ARHGAP26: variants seen among roughly 807,000 people sequenced by gnomAD.
ARHGAP26 encodes the protein rho GTPase-activating protein 26.
A neutral mutation model predicts 104.8 loss-of-function variants in ARHGAP26; 38 were observed. That is an observed-to-expected ratio of 0.36 (90% CI 0.28 to 0.48). The LOEUF is 0.48. ARHGAP26 is among the 20% of genes least tolerant of loss of function. The pLI, the probability that ARHGAP26 is intolerant of heterozygous loss-of-function variation, is 0.99. For missense variants in ARHGAP26, 704 were observed against 947.9 expected (o/e 0.74, Z 3.38); for synonymous variants, 341 against 340.0 (o/e 1.00, Z -0.03).
intron 1 of ARHGAP26, among the ~76,000 whole-genome samples, chr5:142,797,975 C>T (rs767307758): frequency 6.6e-6 from 1 of 152,150 alleles, no homozygotes; most frequent in Non-Finnish European, 1.5e-5. Context: ...TTTACCTGAC[C>T]CTTCTTCTTT....
chr5:143,129,845 A>G (rs1797128948), intron 18 of ARHGAP26, among the ~76,000 whole-genome samples: 1 of 152,214 alleles, frequency 6.6e-6, no homozygotes, highest in Non-Finnish European at 1.5e-5. Flanking sequence ...TCTTTTCAGT[A>G]GCTCTGCAAG....
At chr5:142,876,388 T>C (rs1756099445) in intron 3 of ARHGAP26, among the ~76,000 whole-genome samples, 1 of 152,048 alleles carries the variant, frequency 6.6e-6, no homozygotes, top group Non-Finnish European at 1.5e-5. Context: ...GATATTGAGG[T>C]TTACAGAGGT....
chr5:143,185,023 A>G (rs997005081), intron 20 of ARHGAP26, among the ~76,000 whole-genome samples: 1 of 152,232 alleles, frequency 6.6e-6, no homozygotes, highest in African/African-American at 2.4e-5. Flanking sequence ...ATTATTTACT[A>G]TAGTAAGAGA....
At chr5:142,973,417 T>G (rs544915073) in intron 11 of ARHGAP26, among the ~76,000 whole-genome samples, 2 of 152,356 alleles carry the variant, frequency 1.3e-5, no homozygotes, top group East Asian at 3.9e-4. Context: ...AAAGGATGTT[T>G]ATGAAGTCTG....
chr5:143,157,811 AAAGCATTGGT>A (rs1341887802), intron 20 of ARHGAP26, among the ~76,000 whole-genome samples: 1 of 152,216 alleles, frequency 6.6e-6, no homozygotes, highest in Non-Finnish European at 1.5e-5. Context: ...TATCACGTGA[AAAGCATTGGT>A]AAGCTTTAGA....
At chr5:143,164,549 A>G (rs1016728083) in intron 20 of ARHGAP26, among the ~76,000 whole-genome samples, 1 of 152,142 alleles carries the variant, frequency 6.6e-6, no homozygotes, top group African/African-American at 2.4e-5. Context: ...CTTTGCATCC[A>G]TGGCTGATTT....
chr5:143,007,679 A>G (rs4912889), intron 11 of ARHGAP26, among the ~76,000 whole-genome samples: 94,888 of 152,078 alleles, frequency 0.62, 31,856 homozygotes, highest in Non-Finnish European at 0.75. Flanking sequence ...ATTAACCCAT[A>G]TGATGCTATG....
intron 1 of ARHGAP26, among the ~76,000 whole-genome samples, chr5:142,823,141 T>G (rs1766526762): frequency 6.6e-6 from 1 of 152,216 alleles, no homozygotes; most frequent in South Asian, 2.1e-4. Flanking sequence ...GTCAGTGTCA[T>G]TCAGCTGGTG....
intron 17 of ARHGAP26, among the ~76,000 whole-genome samples, chr5:143,093,808 G>A (rs1347713969): frequency 6.6e-6 from 1 of 152,208 alleles, no homozygotes; most frequent in Non-Finnish European, 1.5e-5. Flanking sequence ...GAGAAGAAAG[G>A]AAAGGGGGGT....
At chr5:142,836,522 G>A (rs567944988) in intron 1 of ARHGAP26, among the ~76,000 whole-genome samples, 96 of 152,262 alleles carry the variant, frequency 6.3e-4, no homozygotes, top group Admixed American at 1.0e-3. Flanking sequence ...AGTCTCCCAT[G>A]CACTCAGTCT....
At chr5:142,785,925 A>G (rs997897424) in intron 1 of ARHGAP26, among the ~76,000 whole-genome samples, 2 of 149,636 alleles carry the variant, frequency 1.3e-5, no homozygotes, top group Non-Finnish European at 3.0e-5. Flanking sequence ...CTGGCCTTCT[A>G]CCATCTCTCT....
chr5:143,113,210 TCTTTTTTTAAGACAAATC>T (rs1414673373), intron 17 of ARHGAP26, among the ~76,000 whole-genome samples: 1 of 152,226 alleles, frequency 6.6e-6, no homozygotes, highest in African/African-American at 2.4e-5. Flanking sequence ...AGGTATCTTG[TCTTTTTTTAAGACAAATC>T]CTTTTTCCTT....
intron 17 of ARHGAP26, among the ~76,000 whole-genome samples, chr5:143,097,360 G>GAAAAAAAAAAA (rs56116431): frequency 1.6e-4 from 10 of 63,238 alleles, no homozygotes; most frequent in African/African-American, 2.5e-4. Flanking sequence ...TCAAAAAAAA[G>GAAAAAAAAAAA]AAAAAAAAAA....
chr5:142,914,962 A>G (rs2152488782), intron 10 of ARHGAP26, among the ~76,000 whole-genome samples: 1 of 152,364 alleles, frequency 6.6e-6, no homozygotes, highest in Admixed American at 6.5e-5. Context: ...CGTCTGCTGC[A>G]GAGCTGCTTT....
At chr5:143,011,629 G>A (rs1427791775) in intron 11 of ARHGAP26, among the ~76,000 whole-genome samples, 1 of 152,130 alleles carries the variant, frequency 6.6e-6, no homozygotes, top group Non-Finnish European at 1.5e-5. Context: ...TAAAAGCCAA[G>A]GGAGGGGTCA....
intron 1 of ARHGAP26, among the ~76,000 whole-genome samples, chr5:142,808,776 A>G (rs912424122): frequency 6.6e-6 from 1 of 152,064 alleles, no homozygotes. Flanking sequence ...CAACCCCACC[A>G]AGAAAGAAAC....
chr5:143,022,106 C>T (rs1780417819), intron 12 of ARHGAP26, among the ~76,000 whole-genome samples: 2 of 152,124 alleles, frequency 1.3e-5, no homozygotes, highest in Admixed American at 1.3e-4. Context: ...TTTGAGACCC[C>T]TGTCACCCAG....
chr5:143,099,817 A>G (rs886148619), intron 17 of ARHGAP26, among the ~76,000 whole-genome samples: 7 of 152,256 alleles, frequency 4.6e-5, no homozygotes, highest in African/African-American at 1.7e-4. Context: ...GAAAAATTCC[A>G]TTGAGACCAT....
intron 9 of ARHGAP26, among the ~76,000 whole-genome samples, chr5:142,911,197 A>G (rs17099693): frequency 0.06 from 9,197 of 152,094 alleles, 686 homozygotes; most frequent in East Asian, 0.28. Context: ...AACCGATCCT[A>G]TCCCTTCTTT....
Sources: allele counts gnomAD v4.1 joint callset (sites outside exome capture counted in the v4.1 genomes callset), GRCh38; gene constraint gnomAD v4.1.1; transcripts MANE v1.5; gene names NCBI Gene and HGNC (gene_info 2026-07-23, HGNC 2026-07-21).